FAM53A: variants seen among roughly 807,000 people sequenced by gnomAD.
The protein encoded by FAM53A is family with sequence similarity 53 member A.
FAM53A carries 28 observed loss-of-function variants against 26.6 expected under a neutral mutation model. That is an observed-to-expected ratio of 1.05 (90% CI 0.78 to 1.45). The LOEUF (loss-of-function observed/expected upper bound fraction) is 1.45, where lower values mean the gene tolerates loss of function less well. FAM53A is among the 40% of genes most tolerant of loss of function. The pLI is 0.00. For missense variants in FAM53A, 650 were observed against 575.8 expected (o/e 1.13, Z -1.32); for synonymous variants, 290 against 253.1 (o/e 1.15, Z -1.38).
chr4:1,636,094 A>C (rs1330538036), downstream of FAM53A, among the ~76,000 whole-genome samples: 1 of 151,582 alleles, frequency 6.6e-6, no homozygotes, highest in Non-Finnish European at 1.5e-5. Flanking sequence ...TGATCTGCCC[A>C]CCTCAGCCTC....
rs1381637485 is a variant in FAM53A at position 1,655,687 on chromosome 4, G to A, written c.173C>T (p.Pro58Leu). ...GCCCGTGGCTGCCTGGCTTCTGACG[G>A]GCGGTCCTCCACTGAAGACCTTCCA... ...SPWKVFSGGP[P>L]VRSQAATGPD... is the part of the protein sequence containing the mutation. Residue 58 changes from proline (P) to leucine (L), a missense_variant, in exon 4 of 5, where the codon CCC (proline) becomes CTC (leucine). By Grantham distance (98) the Pro-to-Leu change is moderately conservative. Coordinates refer to ENST00000308132, the MANE Select transcript of FAM53A (RefSeq NM_001174070.3). The A allele has an allele frequency of 6.3e-7, 1 of 1,593,318 alleles. No homozygotes were observed. The highest frequency in any genetic ancestry group is 1.7e-5 in the Admixed American group (1 of 58,348).
chr4:1,684,695 C>A (rs938259956), upstream of FAM53A, among the ~76,000 whole-genome samples: 4 of 152,018 alleles, frequency 2.6e-5, no homozygotes, highest in Non-Finnish European at 4.4e-5. Context: ...GGTGACCCAG[C>A]CCGGGGCGCG....
chr4:1,681,262 AT>A (rs1715417854), intron 1 of FAM53A, among the ~76,000 whole-genome samples: 1 of 150,742 alleles, frequency 6.6e-6, no homozygotes, highest in Admixed American at 6.6e-5. Flanking sequence ...ACATCCAGCT[AT>A]TTTTTGTATT....
At chr4:1,604,770 C>T in the FAM53A span, among the ~76,000 whole-genome samples, 1 of 152,152 alleles carries the variant, frequency 6.6e-6, no homozygotes, top group Non-Finnish European at 1.5e-5. Flanking sequence ...CTGCAGCCCC[C>T]GCCCCACTCC....
chr4:1,580,578 C>CCTCCCGCCCTAGGCCCCGA, the FAM53A span, among the ~76,000 whole-genome samples: 1 of 149,034 alleles, frequency 6.7e-6, no homozygotes, highest in African/African-American at 2.5e-5. Flanking sequence ...CTAGGCCCCG[C>CCTCCCGCCCTAGGCCCCGA]CTCCTACCTC....
chr4:1,642,706 C>G (rs1262278628), intron 4 of FAM53A, among the ~76,000 whole-genome samples: 18 of 151,896 alleles, frequency 1.2e-4, no homozygotes, highest in Non-Finnish European at 2.2e-4. Flanking sequence ...TCAAGTCCCC[C>G]GTCTGTGGTG....
At chr4:1,606,664 G>A in the FAM53A span, among the ~76,000 whole-genome samples, 7 of 152,330 alleles carry the variant, frequency 4.6e-5, no homozygotes, top group South Asian at 6.2e-4. Flanking sequence ...CCGAAGGTGC[G>A]CCTTCCTGAA....
At chr4:1,600,748 C>G in the FAM53A span, among the ~76,000 whole-genome samples, 1 of 152,180 alleles carries the variant, frequency 6.6e-6, no homozygotes, top group African/African-American at 2.4e-5. Flanking sequence ...CCTGGACCTC[C>G]CAGGCTCAAG....
chr4:1,672,077 AGAACCCAC>A (rs1714703940), intron 1 of FAM53A, among the ~76,000 whole-genome samples: 2 of 151,248 alleles, frequency 1.3e-5, no homozygotes, highest in Non-Finnish European at 3.0e-5. Flanking sequence ...CCACAGACCC[AGAACCCAC>A]GAACCCACGA....
At chr4:1,657,963 T>A (rs573264289) in intron 2 of FAM53A, among the ~76,000 whole-genome samples, 2 of 150,664 alleles carry the variant, frequency 1.3e-5, no homozygotes, top group East Asian at 2.0e-4. Flanking sequence ...TTAAATTTTT[T>A]AAAAAATTTT....
intron 4 of FAM53A, among the ~76,000 whole-genome samples, chr4:1,642,270 C>T (rs1711781128): frequency 6.6e-6 from 1 of 152,178 alleles, no homozygotes; most frequent in South Asian, 2.1e-4. Context: ...CAAACAGGTG[C>T]ACACACAGGG....
chr4:1,652,810 C>T (rs911977652), intron 4 of FAM53A, among the ~76,000 whole-genome samples: 1 of 148,808 alleles, frequency 6.7e-6, no homozygotes, highest in African/African-American at 2.5e-5. Flanking sequence ...ACGTCACACA[C>T]ACACCACATA....
chr4:1,619,932 G>A lies in FAM53A; in HGVS notation c.432-1821C>T, dbSNP rs539882221. ...TACTTTATTAAAAAACAAGTCAGCC[G>A]GGCGTGGTGGCTCACGCCTGTAATC... On this transcript the variant is annotated intron_variant, in intron 1 of 1. Coordinates refer to the FAM53A transcript ENST00000489029. Among the ~76,000 whole-genome samples the A allele has an allele frequency of 5.3e-5, 8 of 152,332 alleles. No individual in the cohort carries two copies. In the East Asian group the frequency reaches 1.2e-3, roughly 22 times the overall value.
chr4:1,623,679 G>A (rs979114301), intron 1 of FAM53A, among the ~76,000 whole-genome samples: 8 of 152,242 alleles, frequency 5.3e-5, no homozygotes, highest in South Asian at 2.1e-4. Flanking sequence ...AAATTACCCC[G>A]GGAGCCGCGC....
Position 1,659,629 on chromosome 4 carries a change from C to T in FAM53A, c.76-2161G>A, listed in dbSNP as rs926076615. ...AGCAGACAAACAGAGCCAGGGTCCC[C>T]GGGAGACAGGAAAGGCTGGGCAGCC... On this transcript the variant is annotated intron_variant, in intron 2 of 4. Coordinates refer to ENST00000308132, the MANE Select transcript of FAM53A (RefSeq NM_001174070.3). This position sits in a 1 kb window ranked among gnomAD's most constrained non-coding sequence, Gnocchi z 5.2. Among the ~76,000 whole-genome samples the T allele has an allele frequency of 2.0e-5, 3 of 152,140 alleles. No homozygotes were observed. The highest frequency in any genetic ancestry group is 2.9e-5 in the Non-Finnish European group (2 of 68,018).
At chr4:1,600,442 T>C in the FAM53A span, among the ~76,000 whole-genome samples, 1 of 152,030 alleles carries the variant, frequency 6.6e-6, no homozygotes, top group Admixed American at 6.5e-5. Context: ...GCCCCTCCCC[T>C]ACTGCTGCCC....
chr4:1,644,391 G>A (rs779982645), intron 4 of FAM53A: 81 of 1,522,408 alleles, frequency 5.3e-5, no homozygotes, highest in South Asian at 1.6e-4. Flanking sequence ...CGACACAGTC[G>A]GTGCAGGAGA....
intron 4 of FAM53A, among the ~76,000 whole-genome samples, chr4:1,652,841 G>A (rs1391765193): frequency 3.6e-5 from 4 of 111,370 alleles, no homozygotes; most frequent in African/African-American, 7.1e-5. Flanking sequence ...CACACCACAC[G>A]CTACACACCA....
At chr4:1,644,306 G>C in intron 4 of FAM53A, 1 of 1,535,964 alleles carries the variant, frequency 6.5e-7, no homozygotes, top group Non-Finnish European at 8.7e-7. Context: ...CCGAGGCCTC[G>C]GACGCGGGAC....
Sources: allele counts gnomAD v4.1 joint callset (sites outside exome capture counted in the v4.1 genomes callset), GRCh38; gene constraint gnomAD v4.1.1; non-coding constraint Gnocchi (gnomAD v3.1); transcripts MANE v1.5; gene names NCBI Gene and HGNC (gene_info 2026-07-23, HGNC 2026-07-21).